MAP3K2: variants seen among roughly 807,000 people sequenced by gnomAD.
MAP3K2 encodes mitogen-activated protein kinase kinase kinase 2, also known as MAP/ERK kinase kinase 2.
Under a neutral mutation model 80.3 loss-of-function variants are expected in MAP3K2, and 24 were observed. The observed-to-expected ratio is 0.30, with a 90% confidence interval of 0.22 to 0.42. The LOEUF (loss-of-function observed/expected upper bound fraction) is 0.42, where lower values mean the gene tolerates loss of function less well. Among genes scored for constraint, MAP3K2 ranks in the 10% least tolerant of loss-of-function variants. The probability of loss-of-function intolerance (pLI) is 1.00; values close to 1 mark genes in which losing one functional copy is unlikely to be tolerated. For synonymous variants in MAP3K2, 244 were observed against 253.7 expected, an observed-to-expected ratio of 0.96 and a Z score of 0.36; for missense variants, 608 against 750.1, an observed-to-expected ratio of 0.81 and a Z score of 2.21.
chr2:127,388,185 G>GCCCCGC (rs1219148692), upstream of MAP3K2: 10 of 984,644 alleles, frequency 1.0e-5, no homozygotes, highest in Admixed American at 1.2e-4. Flanking sequence ...CCCGGCCTCG[G>GCCCCGC]CCCCGCCCCC....
chr2:127,372,901 C>T (rs535653000), intron 1 of MAP3K2, among the ~76,000 whole-genome samples: 308 of 152,324 alleles, frequency 2.0e-3, no homozygotes, highest in Non-Finnish European at 3.1e-3. Context: ...GACTTTTGCA[C>T]GACTTATGTG....
chr2:127,379,515 T>C (rs576890096), intron 1 of MAP3K2, among the ~76,000 whole-genome samples: 1 of 152,344 alleles, frequency 6.6e-6, no homozygotes, highest in East Asian at 1.9e-4. Context: ...TTATCTTTTC[T>C]GTATTTTAAA....
rs189827312 is a variant in MAP3K2, at chr2:127,301,734, T to G, written c.*5845A>C. ...ATGAAAAATAAGAATTCTATGAGAC[T>G]GTATACAGGCAACAGATAAAATCTA... On this transcript the variant is annotated 3_prime_UTR_variant, in exon 17 of 17. Transcript: ENST00000682094. 7.6e-4 allele frequency: 116 copies of G among 152,310 alleles called. 1 individual carries two copies. Among genetic ancestry groups the G allele is most frequent in the Admixed American group, 7.4e-3 (113 of 15,288 alleles). 9.4% of individuals were successfully genotyped at this position (152,310 alleles called of 1,614,324 possible). A position where few individuals can be genotyped will look rare whatever the true frequency, so the allele number is the denominator to read the frequency against.
At chr2:127,337,016 C>T (rs1686386476) in intron 4 of MAP3K2, among the ~76,000 whole-genome samples, 1 of 152,108 alleles carries the variant, frequency 6.6e-6, no homozygotes, top group African/African-American at 2.4e-5. Context: ...GTGGCTGTTG[C>T]CTGCAATCCC....
chr2:127,371,039 A>C (rs1419292184), intron 1 of MAP3K2, among the ~76,000 whole-genome samples: 2 of 152,248 alleles, frequency 1.3e-5, no homozygotes, highest in African/African-American at 4.8e-5. Flanking sequence ...CAATGCAATC[A>C]GGTACATGAA....
At chr2:127,361,967 T>C (rs1308977747) in intron 1 of MAP3K2, among the ~76,000 whole-genome samples, 1 of 152,238 alleles carries the variant, frequency 6.6e-6, no homozygotes, top group East Asian at 1.9e-4. Context: ...CCTGACACCT[T>C]ATCAGATGTC....
At chr2:127,385,221 T>A (rs1687322592) in intron 1 of MAP3K2, among the ~76,000 whole-genome samples, 1 of 152,174 alleles carries the variant, frequency 6.6e-6, no homozygotes, top group Admixed American at 6.5e-5. Context: ...TTCACTAATG[T>A]CTTACTTTAA....
At chr2:127,350,454 C>CAAAAAAAAA (rs752516255) in intron 1 of MAP3K2, among the ~76,000 whole-genome samples, 289 of 99,250 alleles carry the variant, frequency 2.9e-3, no homozygotes, top group East Asian at 5.9e-3. Context: ...AAAACAAAAA[C>CAAAAAAAAA]AAAAAAAAAA....
chr2:127,311,363 G>C (rs1232912455), intron 15 of MAP3K2, among the ~76,000 whole-genome samples: 1 of 152,158 alleles, frequency 6.6e-6, no homozygotes, highest in Non-Finnish European at 1.5e-5. Flanking sequence ...GCTCTGATAG[G>C]GGAAGGAACA....
chr2:127,368,139 T>C (rs1687002773), intron 1 of MAP3K2, among the ~76,000 whole-genome samples: 1 of 150,848 alleles, frequency 6.6e-6, no homozygotes, highest in Non-Finnish European at 1.5e-5. Context: ...CTGGCCAACA[T>C]GGTGAAGCCC....
intron 12 of MAP3K2, among the ~76,000 whole-genome samples, chr2:127,320,067 T>C (rs571492134): frequency 6.6e-6 from 1 of 152,224 alleles, no homozygotes; most frequent in South Asian, 2.1e-4. Flanking sequence ...TACATTCTAT[T>C]TACCTCCTCC....
chr2:127,358,358 GA>G (rs1686829175), intron 1 of MAP3K2, among the ~76,000 whole-genome samples: 2 of 152,104 alleles, frequency 1.3e-5, no homozygotes, highest in Admixed American at 1.3e-4. Flanking sequence ...AACCGCTTTG[GA>G]AAACAGTTTG....
chr2:127,307,380 G>T lies in MAP3K2; in HGVS notation c.*199C>A. ...AAAAAAAAACTTCAAGTTCTTGTAA[G>T]GGAAAAAAAGATTAAATATAAAAAA... On this transcript the variant is annotated 3_prime_UTR_variant, in exon 17 of 17. Transcript: ENST00000682094. This position sits in a 1 kb window ranked among gnomAD's most constrained non-coding sequence, Gnocchi z 5.4. 5.7e-6 allele frequency: 2 copies of T among 353,478 alleles called. No individual in the cohort carries two copies. The highest frequency in any genetic ancestry group is 8.7e-5 in the South Asian group (1 of 11,506). 21.9% of individuals were successfully genotyped at this position (353,478 alleles called of 1,614,324 possible).
chr2:127,313,309 A>G (rs540886843), intron 15 of MAP3K2, among the ~76,000 whole-genome samples: 2 of 152,290 alleles, frequency 1.3e-5, no homozygotes, highest in African/African-American at 4.8e-5. Flanking sequence ...TCCTAACTGA[A>G]TAACTTCTCT....
intron 8 of MAP3K2, 73 bp downstream of exon 8, chr2:127,326,614 G>A (rs909155891): frequency 8.4e-5 from 98 of 1,161,798 alleles, no homozygotes; most frequent in Non-Finnish European, 1.1e-4. Context: ...CACACACCCA[G>A]TTACGTGCCA....
At chr2:127,324,332 C>G (rs1686088144) in intron 9 of MAP3K2, 91 bp from the exon 10 acceptor site, 2 of 724,152 alleles carry the variant, frequency 2.8e-6, no homozygotes, top group Non-Finnish European at 2.3e-6. Context: ...CTATCTGTGC[C>G]TCTCTGTATG....
intron 1 of MAP3K2, chr2:127,378,201 G>A (rs1283998359): frequency 1.0e-6 from 1 of 976,286 alleles, no homozygotes; most frequent in Non-Finnish European, 1.2e-6. Flanking sequence ...AAAAACCAAA[G>A]GTACAAATTT....
At chr2:127,382,175 T>C (rs1366764023) in intron 1 of MAP3K2, among the ~76,000 whole-genome samples, 1 of 152,218 alleles carries the variant, frequency 6.6e-6, no homozygotes, top group Non-Finnish European at 1.5e-5. Flanking sequence ...GGATATATAT[T>C]AGAGTATATG....
rs1686938915 is a variant in MAP3K2 at position 127,364,489 on chromosome 2, T to A, written c.-65-21295A>T. Among the ~76,000 whole-genome samples, 1 of 152,140 alleles carries A rather than the reference T, an allele frequency of 6.6e-6. No individual in the cohort carries two copies. Among genetic ancestry groups the A allele is most frequent in the Non-Finnish European group, 1.5e-5 (1 of 68,022 alleles). On this transcript the variant is annotated intron_variant, in intron 1 of 16. Transcript: ENST00000682094. This position sits in a 1 kb window ranked among gnomAD's most constrained non-coding sequence, Gnocchi z 4.1. ...TCATCTTACCATGTATAAACGATAATGGAAAAGAATTATCGTCTGTGGACT... is the reference window on the plus strand; with the variant it reads ...TCATCTTACCATGTATAAACGATAAAGGAAAAGAATTATCGTCTGTGGACT...
Sources: gnomAD v4.1 joint callset for allele counts (sites outside exome capture counted in the v4.1 genomes callset) on GRCh38, gnomAD v4.1.1 for gene constraint, Gnocchi (gnomAD v3.1) non-coding constraint, MANE v1.5 for transcripts, NCBI Gene and HGNC (gene_info 2026-07-23, HGNC 2026-07-21) for gene names.